Variants in CEACAM21 observed in about 807,000 individuals in gnomAD.
CEACAM21 encodes the protein cell adhesion molecule CEACAM21.
Under a neutral mutation model 33.2 loss-of-function variants are expected in CEACAM21, and 38 were observed. The ratio of observed to expected loss-of-function variants is 1.14; its 90% CI spans 0.88 to 1.50. The LOEUF (loss-of-function observed/expected upper bound fraction) is 1.50. Among genes scored for constraint, CEACAM21 ranks in the 40% most tolerant of loss-of-function variants. CEACAM21 has a pLI of 0.00. For synonymous variants in CEACAM21, 156 were observed against 143.0 expected (o/e 1.09, Z -0.65); for missense variants, 385 against 364.6 (o/e 1.06, Z -0.46).
chr19:41,553,317 T>C (rs2041337461), intron 1 of CEACAM21, among the ~76,000 whole-genome samples: 1 of 148,434 alleles, frequency 6.7e-6, no homozygotes, highest in African/African-American at 2.4e-5. Context: ...TTGGCCAGGC[T>C]GGTCTTGAAC....
chr19:41,571,585 A>G (rs1008636262), upstream of CEACAM21, among the ~76,000 whole-genome samples: 2 of 152,246 alleles, frequency 1.3e-5, no homozygotes, highest in Non-Finnish European at 2.9e-5. Flanking sequence ...GTCATTAGGA[A>G]GGAATGTCTT....
intron 1 of CEACAM21, among the ~76,000 whole-genome samples, chr19:41,558,213 AC>A (rs2041656956): frequency 6.6e-6 from 1 of 152,252 alleles, no homozygotes; most frequent in African/African-American, 2.4e-5. Flanking sequence ...CATGAGATCT[AC>A]ATAGCATTTA....
exon 2 of CEACAM21, chr19:41,564,881 C>T (rs2042149418): frequency 6.6e-6 from 1 of 152,266 alleles, no homozygotes; most frequent in South Asian, 2.1e-4. Context: ...ACAGAGATCA[C>T]TTGGCGCTAA....
At chr19:41,579,725 TC>T in intron 3 of CEACAM21, 97 bp downstream of exon 3, 1 of 869,568 alleles carries the variant, frequency 1.2e-6, no homozygotes, top group East Asian at 2.7e-5. Context: ...AGGATGAGAT[TC>T]CTTCAGAGCC....
Position 41,562,882 on chromosome 19 carries a change from C to T in CEACAM21, c.-778-1800C>T, listed in dbSNP as rs371415214. Among the ~76,000 whole-genome samples the T allele has an allele frequency of 1.9e-3, 289 of 152,220 alleles. 2 individuals are homozygous for T. In the South Asian group the frequency reaches 0.048, roughly 25 times the overall value. Reference sequence around the variant, plus strand: ...TAGCTGGGACTACAGGCGCCCGCCACCACGCCCGGCTAATTTTTTGTATTT... The same window carrying T: ...TAGCTGGGACTACAGGCGCCCGCCATCACGCCCGGCTAATTTTTTGTATTT... On this transcript the variant is annotated intron_variant, in intron 1 of 7. Coordinates refer to the CEACAM21 transcript ENST00000407170.
intron 3 of CEACAM21, among the ~76,000 whole-genome samples, chr19:41,580,238 CTG>C (rs1555793079): frequency 2.0e-5 from 3 of 152,090 alleles, no homozygotes. Context: ...AAAACTCAAA[CTG>C]TGTTTTTCCT....
chr19:41,584,457 T>TC lies in CEACAM21; in HGVS notation c.797+18dup, dbSNP rs781820785. 1.1e-4 allele frequency: 183 copies of TC among 1,594,266 alleles called. No homozygotes were observed. The highest frequency in any genetic ancestry group is 1.5e-4 in the Non-Finnish European group (179 of 1,169,498). On this transcript the variant is annotated intron_variant, in intron 4 of 6. Transcript: ENST00000401445. ...AAAAACTGGCAGGTACCACAGCTTTTCCCCATTCTGCTCCCATCCTTCACG... is the reference window on the plus strand; with the variant it reads ...AAAAACTGGCAGGTACCACAGCTTTTCCCCCATTCTGCTCCCATCCTTCACG...
At chr19:41,573,257 G>A (rs1385023372), upstream of CEACAM21, among the ~76,000 whole-genome samples, 1 of 152,216 alleles carries the variant, frequency 6.6e-6, no homozygotes, top group Non-Finnish European at 1.5e-5. Flanking sequence ...CAGCCCAGGA[G>A]AGGAATCCTC....
Position 41,576,196 on chromosome 19 carries a change from G to A in CEACAM21, c.-79G>A, listed in dbSNP as rs782515612. 3.0e-5 allele frequency: 46 copies of A among 1,535,176 alleles called. No homozygotes were observed. Among genetic ancestry groups the A allele is most frequent in the Admixed American group, 6.9e-5 (4 of 57,878 alleles). On this transcript the variant is annotated 5_prime_UTR_variant, in exon 1 of 7. Transcript: ENST00000401445. ...GGAAGGAAGGACAGCAGAGACAACA[G>A]TCACAGTAACCCTGTCTAGAGCGTT...
chr19:41,557,789 T>G (rs1183512387), intron 1 of CEACAM21, among the ~76,000 whole-genome samples: 2 of 152,202 alleles, frequency 1.3e-5, no homozygotes, highest in Non-Finnish European at 2.9e-5. Flanking sequence ...TTTTGGGAAG[T>G]GGGAGGATGT....
At chr19:41,567,046 TTC>T (rs74276943) in intron 2 of CEACAM21, among the ~76,000 whole-genome samples, 7 of 151,054 alleles carry the variant, frequency 4.6e-5, no homozygotes, top group Non-Finnish European at 8.9e-5. Flanking sequence ...TCATATTGTT[TTC>T]TCTCTCTCTC....
intron 2 of CEACAM21, among the ~76,000 whole-genome samples, chr19:41,570,739 T>G (rs1461736639): frequency 1.3e-5 from 2 of 152,106 alleles, no homozygotes; most frequent in Admixed American, 1.3e-4. Flanking sequence ...GTTGTGGCAG[T>G]AAAAGCAGCC....
At chr19:41,571,819 T>C (rs1202934142), upstream of CEACAM21, among the ~76,000 whole-genome samples, 3 of 152,118 alleles carry the variant, frequency 2.0e-5, no homozygotes, top group African/African-American at 7.2e-5. Flanking sequence ...ATGGCCCCCA[T>C]TTAGGGAGTA....
intron 2 of CEACAM21, among the ~76,000 whole-genome samples, chr19:41,569,899 C>T (rs890961641): frequency 2.6e-5 from 4 of 152,230 alleles, no homozygotes; most frequent in Admixed American, 2.0e-4. Context: ...TCCTGGCGTC[C>T]TCCCACACCC....
Position 41,586,785 on chromosome 19 carries a change from G to A in CEACAM21, c.*322G>A, listed in dbSNP as rs1356983462. The A allele has an allele frequency of 6.3e-6, 2 of 319,532 alleles. No homozygotes were observed. The highest frequency in any genetic ancestry group is 1.2e-5 in the Non-Finnish European group (2 of 163,712). The allele number at this position is 319,532 out of a possible 1,614,324, so 19.8% of individuals were successfully genotyped here. On this transcript the variant is annotated 3_prime_UTR_variant, in exon 7 of 7. Transcript: ENST00000401445. ...GGGGGCTTGCAGGGAAAGTGAATGG[G>A]CCTATGGCCCACCCGGGGTCACCTG...
At position 41,558,495 on chromosome 19, in the gene CEACAM21, A is replaced by G. The variant is rs1331512672; in HGVS notation, c.-778-6187A>G. On this transcript the variant is annotated intron_variant, in intron 1 of 7. Transcript: ENST00000407170. ...ACCCCATCTCTACTAAAAATACAAA[A>G]TATTAGCCTTGCTTGGTGGCACATG... Among the ~76,000 whole-genome samples the G allele has an allele frequency of 2.6e-5, 4 of 152,034 alleles. No homozygotes were observed. The East Asian group carries it at 7.7e-4, about 29-fold the overall frequency.
rs545179785 is a variant in CEACAM21 at position 41,577,222 on chromosome 19, C to T, written c.87C>T (p.Asn29=). 346 of 1,614,090 alleles carry T rather than the reference C, an allele frequency of 2.1e-4. No individual in the cohort carries two copies. Among genetic ancestry groups the T allele is most frequent in the East Asian group, 2.9e-4 (13 of 44,886 alleles). ...TAGCCTCACTTTTAACTTTCTGGAA[C>T]GCACCCACCACTGCCTGGCTCTTTA... The part of the protein sequence containing the change: ...LLTASLLTFW[N]APTTAWLFIA... The change falls in exon 2 of 7, where the codon AAC becomes AAT. Residue 29 remains asparagine (N), a synonymous_variant. Transcript: ENST00000401445.
intron 3 of CEACAM21, among the ~76,000 whole-genome samples, chr19:41,583,768 A>G (rs1218767074): frequency 6.6e-6 from 1 of 152,208 alleles, no homozygotes; most frequent in Non-Finnish European, 1.5e-5. Context: ...CTCCCATAAC[A>G]CATGGGGATT....
chr19:41,577,391 A>G lies in CEACAM21; in HGVS notation c.256A>G (p.Thr86Ala). The change falls in exon 2 of 7, where the codon ACT becomes GCT. Residue 86 changes from threonine to alanine, a missense_variant. By Grantham distance (58) the Thr-to-Ala change is moderately conservative. Coordinates refer to ENST00000401445, the MANE Select transcript of CEACAM21 (RefSeq NM_001098506.4). ...GCTAATCGCAGCATATGTAATAGAC[A>G]CTCACGTTAGGACTCCAGGGCCTGC... ...NQLIAAYVID[T>A]HVRTPGPAYS... 6.2e-7 allele frequency: 1 copy of G among 1,612,746 alleles called. No homozygotes were observed. Among genetic ancestry groups the G allele is most frequent in the Non-Finnish European group, 8.5e-7 (1 of 1,179,838 alleles).
Sources: gnomAD v4.1 joint callset for allele counts (sites outside exome capture counted in the v4.1 genomes callset) on GRCh38, gnomAD v4.1.1 for gene constraint, MANE v1.5 for transcripts, NCBI Gene and HGNC (gene_info 2026-07-23, HGNC 2026-07-21) for gene names.